The following ATP13A4 variants were observed in gnomAD, a reference collection of about 807,000 sequenced individuals.
The protein encoded by ATP13A4 is probable cation-transporting ATPase 13A4.
ATP13A4 carries 114 observed loss-of-function variants against 142.5 expected under a neutral mutation model. The ratio of observed to expected loss-of-function variants is 0.80; its 90% CI spans 0.69 to 0.93. ATP13A4 has a LOEUF of 0.93. Among genes scored for constraint, ATP13A4 ranks in the 40% least tolerant of loss-of-function variants. ATP13A4 has a pLI of 0.00. For missense variants in ATP13A4, 1,392 were observed against 1,454.0 expected (o/e 0.96, Z 0.69); for synonymous variants, 488 against 514.8 (o/e 0.95, Z 0.70).
intron 8 of ATP13A4, 101 bp from the exon 9 acceptor site, chr3:193,471,094 A>AT (rs11415048): frequency 0.017 from 23,093 of 1,342,956 alleles, 252 homozygotes; most frequent in East Asian, 0.11. Context: ...CAACCAAGAC[A>AT]TTTTTTTTTT....
chr3:193,545,779 C>T (rs1163560977), intron 1 of ATP13A4, among the ~76,000 whole-genome samples: 1 of 152,032 alleles, frequency 6.6e-6, no homozygotes, highest in Non-Finnish European at 1.5e-5. Context: ...TAGATTTACT[C>T]CTTATTTCGT....
chr3:193,552,389 T>C (rs1163397440), intron 1 of ATP13A4, among the ~76,000 whole-genome samples: 3 of 152,210 alleles, frequency 2.0e-5, no homozygotes, highest in Admixed American at 6.5e-5. Flanking sequence ...CTCTTGAAAT[T>C]TGAAGTAATT....
At chr3:193,490,270 C>T (rs1719874636) in intron 6 of ATP13A4, among the ~76,000 whole-genome samples, 1 of 152,210 alleles carries the variant, frequency 6.6e-6, no homozygotes, top group South Asian at 2.1e-4. Context: ...ATTGACATGT[C>T]GGCCATCACA....
At chr3:193,439,156 G>C in intron 21 of ATP13A4, 91 bp from the exon 22 acceptor site, 1 of 1,306,780 alleles carries the variant, frequency 7.7e-7, no homozygotes, top group Non-Finnish European at 1.1e-6. Context: ...CATTACTTAG[G>C]GTTCAAACTC....
chr3:193,511,752 C>A (rs80260190), intron 2 of ATP13A4, among the ~76,000 whole-genome samples: 2,016 of 152,076 alleles, frequency 0.013, 31 homozygotes, highest in East Asian at 0.068. Flanking sequence ...GACAAGAAAT[C>A]AAAACGTTTG....
Position 193,414,297 on chromosome 3 carries a change from G to A in ATP13A4, c.3014+282C>T, listed in dbSNP as rs80316488. Among the ~76,000 whole-genome samples the A allele has an allele frequency of 4.1e-3, 626 of 152,270 alleles. 2 individuals are homozygous for A. The highest frequency in any genetic ancestry group is 0.015 in the African/African-American group (609 of 41,554). The stretch of plus-strand genomic sequence containing the variant: ...AAAGTGGGCTACTTAAACTGGGGCT[G>A]CTCAGGCAAATTATAATCCATGGTC... On this transcript the variant is annotated intron_variant, in intron 26 of 29. Transcript: ENST00000342695.
chr3:193,519,630 T>A (rs1721607993), intron 1 of ATP13A4, among the ~76,000 whole-genome samples: 1 of 84,018 alleles, frequency 1.2e-5, no homozygotes, highest in African/African-American at 5.2e-5. Flanking sequence ...TTTGTAATTT[T>A]TTTTTTTTTT....
chr3:193,520,853 G>T (rs1577046514), intron 1 of ATP13A4, among the ~76,000 whole-genome samples: 1 of 152,326 alleles, frequency 6.6e-6, no homozygotes, highest in Non-Finnish European at 1.5e-5. Context: ...GGCCACAGCT[G>T]GCAGATAGTT....
intron 14 of ATP13A4, 139 bp from the exon 15 acceptor site, chr3:193,457,604 A>T: frequency 1.3e-6 from 1 of 780,800 alleles, no homozygotes. Flanking sequence ...GAGGTGAACC[A>T]GATTTATTCC....
At chr3:193,571,278 C>CAAAAA (rs57432082) in intron 2 of ATP13A4, among the ~76,000 whole-genome samples, 13 of 95,724 alleles carry the variant, frequency 1.4e-4, no homozygotes, top group Admixed American at 1.1e-3. Flanking sequence ...GACCTTGTCT[C>CAAAAA]AAAAAAAAAA....
chr3:193,583,965 G>A (rs967803963), intron 1 of ATP13A4, among the ~76,000 whole-genome samples: 5 of 152,126 alleles, frequency 3.3e-5, no homozygotes, highest in African/African-American at 1.2e-4. Flanking sequence ...CTAGTTTCAG[G>A]TGTGGCTGGA....
Position 193,582,656 on chromosome 3 carries a change from C to T in ATP13A4, n.92-750G>A, listed in dbSNP as rs56283983. Reference sequence around the variant, plus strand: ...ATACATTATATATGTATATTACATACATTATATATGTATATTACATATATA... The same window carrying T: ...ATACATTATATATGTATATTACATATATTATATATGTATATTACATATATA... On this transcript the variant is annotated intron_variant and non_coding_transcript_variant, in intron 1 of 3. Transcript: ENST00000489140. Among the ~76,000 whole-genome samples the T allele has an allele frequency of 5.3e-3, 189 of 35,968 alleles. 5 individuals are homozygous for T. Among genetic ancestry groups the T allele is most frequent in the African/African-American group, 7.0e-3 (37 of 5,250 alleles). The allele number at this position is 35,968 out of a possible 152,430, so 23.6% of individuals were successfully genotyped here. A position where few individuals can be genotyped will look rare whatever the true frequency, so the allele number is the denominator to read the frequency against.
At chr3:193,422,052 T>C (rs1715429340) in intron 25 of ATP13A4, among the ~76,000 whole-genome samples, 1 of 149,622 alleles carries the variant, frequency 6.7e-6, no homozygotes. Context: ...TATAAAAGAC[T>C]CACTTTATCC....
intron 11 of ATP13A4, 53 bp from the exon 12 acceptor site, chr3:193,465,181 T>C: frequency 1.3e-6 from 2 of 1,570,460 alleles, no homozygotes; most frequent in Non-Finnish European, 1.7e-6. Flanking sequence ...ATGAACAGCA[T>C]ATGACTCTTT....
chr3:193,470,553 T>C (rs1031305550), intron 9 of ATP13A4, among the ~76,000 whole-genome samples: 6 of 152,240 alleles, frequency 3.9e-5, no homozygotes, highest in South Asian at 2.1e-4. Context: ...AAAGATCTAA[T>C]GATCTCTACA....
chr3:193,405,990 C>T (rs1356955381), intron 29 of ATP13A4, among the ~76,000 whole-genome samples: 1 of 152,146 alleles, frequency 6.6e-6, no homozygotes, highest in Non-Finnish European at 1.5e-5. Context: ...TTTTATTAAT[C>T]TGGTTGCTTT....
chr3:193,530,188 T>G (rs1722238958), intron 1 of ATP13A4, among the ~76,000 whole-genome samples: 1 of 152,202 alleles, frequency 6.6e-6, no homozygotes, highest in South Asian at 2.1e-4. Context: ...CCTATGCCTT[T>G]GTCCAAGTGG....
chr3:193,544,881 A>G (rs1047748382), intron 1 of ATP13A4, among the ~76,000 whole-genome samples: 1 of 152,170 alleles, frequency 6.6e-6, no homozygotes, highest in Non-Finnish European at 1.5e-5. Context: ...CAATCTGCCT[A>G]TGCTTAATTT....
At chr3:193,404,177 G>A in intron 29 of ATP13A4, 1 of 984,482 alleles carries the variant, frequency 1.0e-6, no homozygotes, top group Non-Finnish European at 1.2e-6. Flanking sequence ...CTGGGATAAG[G>A]CAGGAGCATC....
Sources: allele counts gnomAD v4.1 joint callset (sites outside exome capture counted in the v4.1 genomes callset), GRCh38; gene constraint gnomAD v4.1.1; transcripts MANE v1.5; gene names NCBI Gene and HGNC (gene_info 2026-07-23, HGNC 2026-07-21).